Variants in SPOCK3 observed in about 807,000 individuals in gnomAD.
SPOCK3 encodes the protein testican-3.
Under a neutral mutation model 56.6 loss-of-function variants are expected in SPOCK3, and 30 were observed. The observed-to-expected ratio is 0.53, with a 90% confidence interval of 0.40 to 0.72. The LOEUF (loss-of-function observed/expected upper bound fraction) is 0.72, where lower values mean the gene tolerates loss of function less well. Ranked by LOEUF, SPOCK3 falls within the 30% of genes least tolerant of loss-of-function variation. SPOCK3 has a pLI of 0.00. For synonymous variants in SPOCK3, 196 were observed against 183.3 expected (o/e 1.07, Z -0.56); for missense variants, 527 against 530.0 (o/e 0.99, Z 0.06).
chr4:167,086,557 T>G (rs1269457686), intron 2 of SPOCK3, among the ~76,000 whole-genome samples: 1 of 152,108 alleles, frequency 6.6e-6, no homozygotes, highest in African/African-American at 2.4e-5. Context: ...CCTTGAAATT[T>G]CAGATTTGTT....
intron 6 of SPOCK3, among the ~76,000 whole-genome samples, chr4:166,878,859 T>C (rs1408332588): frequency 6.6e-6 from 1 of 152,152 alleles, no homozygotes; most frequent in East Asian, 1.9e-4. Context: ...GGTTAATCAT[T>C]TGTAAAGTGA....
intron 2 of SPOCK3, among the ~76,000 whole-genome samples, chr4:167,158,029 G>A (rs1764962447): frequency 6.6e-6 from 1 of 151,844 alleles, no homozygotes; most frequent in African/African-American, 2.4e-5. Flanking sequence ...TAGATCAAGT[G>A]TAAAAACAAC....
chr4:166,973,346 A>G (rs1253289787), intron 4 of SPOCK3, among the ~76,000 whole-genome samples: 1 of 152,100 alleles, frequency 6.6e-6, no homozygotes, highest in Non-Finnish European at 1.5e-5. Context: ...TCTTTACTGT[A>G]GTGTGAAAGT....
At chr4:167,054,442 C>T (rs1754567660) in intron 3 of SPOCK3, among the ~76,000 whole-genome samples, 1 of 152,172 alleles carries the variant, frequency 6.6e-6, no homozygotes, top group South Asian at 2.1e-4. Flanking sequence ...ATGTAGCAAA[C>T]CATATACATT....
chr4:166,753,176 A>G lies in SPOCK3; in HGVS notation c.931+1332T>C, dbSNP rs566706379. Among the ~76,000 whole-genome samples the G allele has an allele frequency of 1.5e-3, 224 of 151,844 alleles. 1 individual carries two copies. The highest frequency in any genetic ancestry group is 4.7e-3 in the African/African-American group (197 of 41,484). ...TGTTTGTGTATAGACACCAAAAAATATGCTACCATAACACCAAAAAATAAA... is the reference window on the plus strand; with the variant it reads ...TGTTTGTGTATAGACACCAAAAAATGTGCTACCATAACACCAAAAAATAAA... On this transcript the variant is annotated intron_variant, in intron 8 of 10. Transcript: ENST00000357545.
chr4:167,048,387 T>C (rs1254264360), intron 3 of SPOCK3, among the ~76,000 whole-genome samples: 2 of 152,048 alleles, frequency 1.3e-5, no homozygotes, highest in East Asian at 3.9e-4. Context: ...CAGGTGATTT[T>C]ATACTGTTCT....
chr4:167,194,726 A>C (rs1295582386), intron 2 of SPOCK3, among the ~76,000 whole-genome samples: 1 of 152,128 alleles, frequency 6.6e-6, no homozygotes, highest in Non-Finnish European at 1.5e-5. Flanking sequence ...TCAGGGACTT[A>C]GGTAGTTGTG....
chr4:166,891,529 A>G (rs1266194076), intron 5 of SPOCK3, among the ~76,000 whole-genome samples: 1 of 152,026 alleles, frequency 6.6e-6, no homozygotes, highest in Non-Finnish European at 1.5e-5. Flanking sequence ...TCCTTTCAAG[A>G]GAACACTTTC....
chr4:166,843,976 G>A (rs549857778), intron 6 of SPOCK3, among the ~76,000 whole-genome samples: 1 of 152,122 alleles, frequency 6.6e-6, no homozygotes, highest in South Asian at 2.1e-4. Context: ...ATTACGTTGC[G>A]CTAATGACCA....
At position 167,007,264 on chromosome 4, in the gene SPOCK3, C is replaced by T. The variant is rs949511850; in HGVS notation, c.236-6801G>A. The stretch of plus-strand genomic sequence containing the variant: ...CAGGACCCCAGAGGGTACCAAAATC[C>T]GCAGATACTCAAGACCCTTATATAA... On this transcript the variant is annotated intron_variant, in intron 3 of 10. Coordinates refer to ENST00000357545, the MANE Select transcript of SPOCK3 (RefSeq NM_001040159.2). Among the ~76,000 whole-genome samples, 5 of 152,154 alleles carry T rather than the reference C, an allele frequency of 3.3e-5. No homozygotes were observed. The South Asian group carries it at 6.2e-4, about 19-fold the overall frequency.
intron 6 of SPOCK3, among the ~76,000 whole-genome samples, chr4:166,868,704 G>T (rs1336687129): frequency 6.6e-6 from 1 of 152,030 alleles, no homozygotes; most frequent in Non-Finnish European, 1.5e-5. Flanking sequence ...GGACAACATT[G>T]TTGAAAAAGT....
At chr4:167,208,220 G>A (rs1307694430) in intron 2 of SPOCK3, among the ~76,000 whole-genome samples, 1 of 152,008 alleles carries the variant, frequency 6.6e-6, no homozygotes, top group Admixed American at 6.6e-5. Context: ...AAAAAAACTG[G>A]TCGGGGGCAA....
At chr4:167,119,013 G>T (rs1448758554) in intron 2 of SPOCK3, among the ~76,000 whole-genome samples, 1 of 151,398 alleles carries the variant, frequency 6.6e-6, no homozygotes, top group Non-Finnish European at 1.5e-5. Flanking sequence ...TTATCTACAT[G>T]CCTAGAAATC....
chr4:166,955,182 G>A (rs986408204), intron 4 of SPOCK3, among the ~76,000 whole-genome samples: 3 of 151,760 alleles, frequency 2.0e-5, no homozygotes, highest in Non-Finnish European at 4.4e-5. Context: ...ATATTTCTGG[G>A]TTAAACAGAA....
intron 6 of SPOCK3, among the ~76,000 whole-genome samples, chr4:166,858,082 T>G (rs1190465864): frequency 6.6e-6 from 1 of 152,226 alleles, no homozygotes; most frequent in Non-Finnish European, 1.5e-5. Context: ...ATTCCTGTAG[T>G]ACCTAGCACA....
chr4:167,193,176 G>A lies in SPOCK3; in HGVS notation c.189+40809C>T, dbSNP rs993968421. 1.2e-4 allele frequency among the ~76,000 whole-genome samples: 17 copies of A among 145,668 alleles called. 1 individual carries two copies. The highest frequency in any genetic ancestry group is 3.9e-4 in the African/African-American group (15 of 38,098). On this transcript the variant is annotated intron_variant, in intron 2 of 10. Coordinates refer to ENST00000357545, the MANE Select transcript of SPOCK3 (RefSeq NM_001040159.2). Reference sequence around the variant, plus strand: ...TTTGCCATTTTGTTGTTTTCTGGTTGTTCTATAGTACCTTTGTCCCTTTCT... The same window carrying A: ...TTTGCCATTTTGTTGTTTTCTGGTTATTCTATAGTACCTTTGTCCCTTTCT...
At chr4:166,890,032 T>A (rs1255038338) in intron 5 of SPOCK3, among the ~76,000 whole-genome samples, 1 of 151,960 alleles carries the variant, frequency 6.6e-6, no homozygotes, top group Non-Finnish European at 1.5e-5. Flanking sequence ...GAACTTCCCA[T>A]AGGTCTTACA....
chr4:167,111,657 G>A (rs1229233716), intron 2 of SPOCK3, among the ~76,000 whole-genome samples: 2 of 152,058 alleles, frequency 1.3e-5, no homozygotes, highest in African/African-American at 4.8e-5. Flanking sequence ...GCTGACAAAG[G>A]CCAAAGCAGG....
At chr4:166,889,048 G>A in intron 6 of SPOCK3, 82 bp downstream of exon 6, 1 of 825,430 alleles carries the variant, frequency 1.2e-6, no homozygotes, top group Non-Finnish European at 2.1e-6. Context: ...ACTTCATTGT[G>A]TATTTAATGA....
Sources: allele counts gnomAD v4.1 joint callset (sites outside exome capture counted in the v4.1 genomes callset), GRCh38; gene constraint gnomAD v4.1.1; transcripts MANE v1.5; gene names NCBI Gene and HGNC (gene_info 2026-07-23, HGNC 2026-07-21).